The following VPS13A variants were observed in gnomAD, a reference collection of about 807,000 sequenced individuals.
VPS13A encodes vacuolar protein sorting 13 homolog A.
VPS13A carries 264 observed loss-of-function variants against 390.9 expected under a neutral mutation model. The observed-to-expected ratio is 0.68, with a 90% CI of 0.61 to 0.75. The LOEUF (loss-of-function observed/expected upper bound fraction) is 0.75, where lower values mean the gene tolerates loss of function less well. Ranked by LOEUF, VPS13A falls within the 30% of genes least tolerant of loss-of-function variation. The pLI is 0.00. For synonymous variants in VPS13A, 1,231 were observed against 1,227.1 expected (o/e 1.00, Z -0.07); for missense variants, 3,409 against 3,733.9 (o/e 0.91, Z 2.27).
intron 1 of VPS13A, 43 bp from the exon 2 acceptor site, chr9:77,199,902 A>C (rs1247541505): frequency 1.4e-5 from 22 of 1,545,344 alleles, no homozygotes; most frequent in Non-Finnish European, 1.7e-5. Context: ...TTTTAAAATG[A>C]AAAATATTTG....
intron 33 of VPS13A, among the ~76,000 whole-genome samples, chr9:77,302,335 C>A (rs12342343): frequency 0.19 from 27,610 of 149,000 alleles, 2,761 homozygotes; most frequent in Middle Eastern, 0.25. Context: ...TTACCATATT[C>A]CAAAATTGTA....
At chr9:77,190,345 G>T (rs1824600134) in intron 1 of VPS13A, among the ~76,000 whole-genome samples, 1 of 152,138 alleles carries the variant, frequency 6.6e-6, no homozygotes, top group South Asian at 2.1e-4. Context: ...CTGAAAAGAT[G>T]ATCATGTGGT....
At chr9:77,253,936 C>CTTTTTTTTTTT (rs1172781069) in intron 22 of VPS13A, among the ~76,000 whole-genome samples, 3 of 55,068 alleles carry the variant, frequency 5.4e-5, no homozygotes, top group African/African-American at 1.4e-4. Flanking sequence ...GGCCTTTATT[C>CTTTTTTTTTTT]TTTTTTTTTT....
intron 5 of VPS13A, among the ~76,000 whole-genome samples, chr9:77,207,454 A>C (rs971607899): frequency 2.0e-5 from 3 of 150,074 alleles, no homozygotes; most frequent in African/African-American, 7.3e-5. Context: ...CTATTTTTTC[A>C]TCTTCTCTAT....
At chr9:77,244,554 T>G (rs1246544937) in intron 19 of VPS13A, among the ~76,000 whole-genome samples, 2 of 152,194 alleles carry the variant, frequency 1.3e-5, no homozygotes, top group Non-Finnish European at 2.9e-5. Context: ...TGAGTGCTGT[T>G]ATGTGCACAT....
chr9:77,186,684 C>T (rs765922177), intron 1 of VPS13A, among the ~76,000 whole-genome samples: 8 of 152,148 alleles, frequency 5.3e-5, no homozygotes, highest in Admixed American at 4.6e-4. Context: ...AATCTGCCCG[C>T]CTCGGCCTCC....
chr9:77,309,513 A>G (rs1564715993), intron 35 of VPS13A, among the ~76,000 whole-genome samples: 1 of 152,144 alleles, frequency 6.6e-6, no homozygotes, highest in Non-Finnish European at 1.5e-5. Context: ...CCCAAACTAT[A>G]TTTTTTCCTA....
In VPS13A at chr9:77,283,559, A is replaced by G. The variant is rs781668457; in HGVS notation, c.3248A>G (p.Glu1083Gly). The stretch of plus-strand genomic sequence containing the variant: ...TTTGTTCCCTTAGGGCTTGATTCTG[A>G]GATGATTATGAGGCCTTCAGAAACT... ...SEIKIEGLDS[E>G]MIMRPSETEI... The change falls in exon 31 of 72, where the codon GAG becomes GGG. Residue 1083 changes from glutamate to glycine, a missense_variant. Physicochemically the swap from Glu to Gly is moderately conservative, Grantham distance 98. Around this residue, in one of 5 missense-constraint regions of VPS13A, gnomAD observed 2,717 missense variants for 2,917.4 expected, o/e 0.93. Coordinates refer to ENST00000360280, the MANE Select transcript of VPS13A (RefSeq NM_033305.3). The G allele has an allele frequency of 6.2e-7, 1 of 1,613,400 alleles. No individual in the cohort carries two copies. The highest frequency in any genetic ancestry group is 1.7e-5 in the Admixed American group (1 of 59,984).
chr9:77,303,122 G>T, intron 34 of VPS13A, 60 bp downstream of exon 34: 1 of 1,568,732 alleles, frequency 6.4e-7, no homozygotes. Flanking sequence ...ACTGCTTGGG[G>T]ACATAAGGCA....
chr9:77,246,536 G>A (rs11145356), intron 19 of VPS13A, among the ~76,000 whole-genome samples: 16 of 152,068 alleles, frequency 1.1e-4, no homozygotes, highest in Non-Finnish European at 1.8e-4. Flanking sequence ...AACTTTTTAA[G>A]TCAAATATCT....
At chr9:77,264,592 CTGTT>C (rs1470548240) in intron 23 of VPS13A, among the ~76,000 whole-genome samples, 4 of 152,236 alleles carry the variant, frequency 2.6e-5, no homozygotes, top group South Asian at 2.1e-4. Context: ...ATTTGGCTCT[CTGTT>C]TGTCTATTAT....
Position 77,417,569 on chromosome 9 carries a change from T to C in VPS13A, c.*1563T>C, listed in dbSNP as rs1355929100. ...TAAAAAAAAAAAAAAGTGCTTATTT[T>C]CTCTGTCGCTAAGCTCCTCCAGTTT... On this transcript the variant is annotated 3_prime_UTR_variant, in exon 72 of 72. Transcript: ENST00000360280. 1 of 152,156 alleles carries C rather than the reference T, an allele frequency of 6.6e-6. No individual in the cohort carries two copies. The highest frequency in any genetic ancestry group is 6.5e-5 in the Admixed American group (1 of 15,270). 9.4% of individuals were successfully genotyped at this position (152,156 alleles called of 1,614,324 possible).
chr9:77,415,977 G>GAAGC lies in VPS13A; in HGVS notation c.9500_9503dup (p.Arg3168SerfsTer15). The GAAGC allele has an allele frequency of 6.2e-7, 1 of 1,613,476 alleles. No homozygotes were observed. Among genetic ancestry groups the GAAGC allele is most frequent in the Non-Finnish European group, 8.5e-7 (1 of 1,179,566 alleles). ...GCAGTGGATCCTCACAAAGCTACAA[G>GAAGC]AAGCAAGAGAACCTTCTCCGAGCCT... On this transcript the variant is annotated frameshift_variant, in exon 72 of 72. Transcript: ENST00000360280. LOFTEE classifies it high-confidence loss of function.
intron 13 of VPS13A, among the ~76,000 whole-genome samples, chr9:77,223,229 T>C (rs1024735426): frequency 6.6e-6 from 1 of 152,162 alleles, no homozygotes; most frequent in Non-Finnish European, 1.5e-5. Context: ...ACTGGCTGTT[T>C]TCCTGACTCC....
chr9:77,315,180 T>C (rs1829315131), intron 37 of VPS13A, 73 bp from the exon 38 acceptor site: 4 of 1,341,828 alleles, frequency 3.0e-6, no homozygotes, highest in Non-Finnish European at 2.1e-6. Context: ...TAAGAGGTCT[T>C]TGAGTTTTAC....
chr9:77,214,446 A>T, intron 10 of VPS13A, 60 bp downstream of exon 10: 1 of 1,392,456 alleles, frequency 7.2e-7, no homozygotes, highest in Non-Finnish European at 1.0e-6. Context: ...ATTTTAAATT[A>T]GCATTGTTGC....
chr9:77,290,735 G>C (rs1459904769), intron 31 of VPS13A, among the ~76,000 whole-genome samples: 1 of 151,908 alleles, frequency 6.6e-6, no homozygotes, highest in Non-Finnish European at 1.5e-5. Context: ...ACCCACTGAA[G>C]GTATTTTCAT....
chr9:77,270,131 T>C (rs1433376389), intron 23 of VPS13A, among the ~76,000 whole-genome samples: 1 of 152,230 alleles, frequency 6.6e-6, no homozygotes, highest in Non-Finnish European at 1.5e-5. Flanking sequence ...AGCAGTGAGT[T>C]GTTGCTTAAC....
chr9:77,180,698 C>G (rs1823959056), intron 1 of VPS13A, among the ~76,000 whole-genome samples: 1 of 152,064 alleles, frequency 6.6e-6, no homozygotes, highest in Non-Finnish European at 1.5e-5. Flanking sequence ...GATCCTTTCT[C>G]TATTGAATTA....
Sources: allele counts gnomAD v4.1 joint callset (sites outside exome capture counted in the v4.1 genomes callset), GRCh38; gene constraint gnomAD v4.1.1; regional missense constraint gnomAD v4.1.1; transcripts MANE v1.5; gene names NCBI Gene and HGNC (gene_info 2026-07-23, HGNC 2026-07-21).